The following CCDC47 variants were observed in gnomAD, a reference collection of about 807,000 sequenced individuals.
CCDC47 encodes coiled-coil domain containing 47.
In CCDC47, 41 loss-of-function variants were observed where a neutral mutation model predicts 60.5. The ratio of observed to expected loss-of-function variants is 0.68; its 90% confidence interval spans 0.53 to 0.88. CCDC47 has a LOEUF of 0.88. CCDC47 is among the 40% of genes least tolerant of loss of function. CCDC47 has a pLI of 0.00. For synonymous variants in CCDC47, 195 were observed against 190.7 expected (o/e 1.02, Z -0.18); for missense variants, 513 against 580.9 (o/e 0.88, Z 1.20).
At chr17:63,773,176 G>A (rs1258097288) in intron 1 of CCDC47, among the ~76,000 whole-genome samples, 1 of 152,170 alleles carries the variant, frequency 6.6e-6, no homozygotes, top group Non-Finnish European at 1.5e-5. Flanking sequence ...AAACCCCTTT[G>A]CCTAGTTTCT....
In CCDC47 at chr17:63,746,922, T is replaced by C. The variant is rs2039124505; in HGVS notation, c.1411A>G (p.Lys471Glu). ...LRREQKKLEK[K>E]QMKMKQIKVK... ...TTGATTTGTTTCATTTTCATTTGCT[T>C]CTTTTCCAACTTCTTTTGCTCACGC... is the stretch of plus-strand genomic sequence containing the variant. Residue 471 changes from lysine to glutamate, a missense_variant, in exon 13 of 13, where the codon AAG becomes GAG. Coordinates refer to ENST00000225726, the MANE Select transcript of CCDC47 (RefSeq NM_020198.3). 6.2e-7 allele frequency: 1 copy of C among 1,613,716 alleles called. No individual in the cohort carries two copies. The highest frequency in any genetic ancestry group is 1.1e-5 in the South Asian group (1 of 91,020).
chr17:63,770,861 A>T (rs973032076), intron 1 of CCDC47, among the ~76,000 whole-genome samples: 2 of 151,396 alleles, frequency 1.3e-5, no homozygotes, highest in African/African-American at 2.4e-5. Context: ...GGTGGCACAC[A>T]CCTGTAATCC....
Position 63,760,939 on chromosome 17 carries a change from A to G in CCDC47, c.710T>C (p.Met237Thr), listed in dbSNP as rs535517305. 157 of 1,613,778 alleles carry G rather than the reference A, an allele frequency of 9.7e-5. No individual in the cohort carries two copies. In the South Asian group the frequency reaches 1.6e-3, roughly 16 times the overall value. ...RQDLLNVLAR[M>T]MRPVSDQVQI... ...CACTTGATCACTCACTGGCCTCATCATCCGGGCCAGGACATTCAGTAAGTC... is the reference window on the plus strand; with the variant it reads ...CACTTGATCACTCACTGGCCTCATCGTCCGGGCCAGGACATTCAGTAAGTC... Residue 237 changes from methionine to threonine, a missense_variant, in exon 6 of 13, where the codon ATG (methionine) becomes ACG (threonine). By Grantham distance (81) the Met-to-Thr change is moderately conservative. Transcript: ENST00000225726.
chr17:63,746,909 A>C lies in CCDC47; in HGVS notation c.1424T>G (p.Met475Arg). 1 of 1,613,754 alleles carries C rather than the reference A, an allele frequency of 6.2e-7. No homozygotes were observed. The highest frequency in any genetic ancestry group is 8.5e-7 in the Non-Finnish European group (1 of 1,179,840). Reference protein sequence around the residue: ...QKKLEKKQMKMKQIKVKAM With the variant: ...QKKLEKKQMKRKQIKVKAM ...CATGGCTTTCACTTTGATTTGTTTCATTTTCATTTGCTTCTTTTCCAACTT... is the reference window on the plus strand; with the variant it reads ...CATGGCTTTCACTTTGATTTGTTTCCTTTTCATTTGCTTCTTTTCCAACTT... Residue 475 changes from methionine (M) to arginine (R), a missense_variant, in exon 13 of 13, where the codon ATG becomes AGG. Met to Arg is a moderately conservative substitution (Grantham distance 91). Transcript: ENST00000225726.
chr17:63,753,633 C>T (rs946640584), intron 9 of CCDC47: 1 of 982,950 alleles, frequency 1.0e-6, no homozygotes, highest in Non-Finnish European at 1.2e-6. Context: ...ATATGTACTC[C>T]TGAACAGTAT....
intron 1 of CCDC47, among the ~76,000 whole-genome samples, chr17:63,771,041 G>GAAAA (rs1568253194): frequency 3.2e-5 from 1 of 31,682 alleles, no homozygotes; most frequent in African/African-American, 1.1e-4. Flanking sequence ...AGGAAGGAAG[G>GAAAA]AAGGAAGAAA....
At chr17:63,770,919 C>T (rs745749418) in intron 1 of CCDC47, among the ~76,000 whole-genome samples, 4 of 141,700 alleles carry the variant, frequency 2.8e-5, no homozygotes, top group Non-Finnish European at 6.0e-5. Context: ...ACTTGGGAGG[C>T]GGAGATTGCA....
At chr17:63,753,093 T>C (rs2039179775) in intron 9 of CCDC47, 1 of 379,020 alleles carries the variant, frequency 2.6e-6, no homozygotes, top group South Asian at 1.1e-4. Context: ...TGAGCCTATA[T>C]TTAAGTATGA....
chr17:63,759,679 A>G (rs2039241600), intron 6 of CCDC47, among the ~76,000 whole-genome samples: 3 of 149,210 alleles, frequency 2.0e-5, no homozygotes, highest in African/African-American at 4.9e-5. Flanking sequence ...ACATATATAC[A>G]TATCTATCTC....
intron 4 of CCDC47, chr17:63,762,366 A>G (rs1309008153): frequency 2.5e-6 from 1 of 396,518 alleles, no homozygotes; most frequent in Non-Finnish European, 3.4e-6. Flanking sequence ...TGGACTTTGC[A>G]AACAGGTAGA....
rs368220998 is a variant in CCDC47 at position 63,746,010 on chromosome 17, G to C, written c.*871C>G. The C allele has an allele frequency of 6.6e-6, 1 of 152,192 alleles. No individual in the cohort carries two copies. The highest frequency in any genetic ancestry group is 1.5e-5 in the Non-Finnish European group (1 of 68,058). 9.4% of individuals were successfully genotyped at this position (152,192 alleles called of 1,614,324 possible). ...CAACGGCACACAGCCATAATATAGA[G>C]AACAGAGCTTCTCCATGAACATCCA... On this transcript the variant is annotated 3_prime_UTR_variant, in exon 13 of 13. Coordinates refer to ENST00000225726, the MANE Select transcript of CCDC47 (RefSeq NM_020198.3).
chr17:63,769,470 C>A (rs113760498), intron 1 of CCDC47, among the ~76,000 whole-genome samples: 2 of 150,770 alleles, frequency 1.3e-5, no homozygotes, highest in African/African-American at 4.9e-5. Flanking sequence ...AAAAATTAGC[C>A]GGGCATGGTG....
At position 63,756,238 on chromosome 17, in the gene CCDC47, A is replaced by C. The variant is rs759301747; in HGVS notation, c.948+2T>G. The C allele has an allele frequency of 6.2e-7, 1 of 1,605,146 alleles. No homozygotes were observed. Among genetic ancestry groups the C allele is most frequent in the South Asian group, 1.1e-5 (1 of 90,922 alleles). On this transcript the variant is annotated splice_donor_variant, in intron 8 of 12. Coordinates refer to ENST00000225726, the MANE Select transcript of CCDC47 (RefSeq NM_020198.3). LOFTEE classifies it high-confidence loss of function. Reference sequence around the variant, plus strand: ...CAAATGTATGTCTTCTGTCGCATTTACCTTTGTATCCATCATTCCGTCTGT... The same window carrying C: ...CAAATGTATGTCTTCTGTCGCATTTCCCTTTGTATCCATCATTCCGTCTGT...
intron 3 of CCDC47, 38 bp from the exon 4 acceptor site, chr17:63,764,228 G>A (rs763870356): frequency 2.0e-6 from 3 of 1,476,550 alleles, no homozygotes; most frequent in South Asian, 1.3e-5. Flanking sequence ...TGTTGGCTGA[G>A]ACTGAAGAAT....
rs976455157 is a variant in CCDC47 at position 63,746,264 on chromosome 17, C to A, written c.*617G>T. On this transcript the variant is annotated 3_prime_UTR_variant, in exon 13 of 13. Coordinates refer to ENST00000225726, the MANE Select transcript of CCDC47 (RefSeq NM_020198.3). The stretch of plus-strand genomic sequence containing the variant: ...GTACATGTCAGTATCCTAATGCCTA[C>A]AGACTTCCTATTAATTTTGTTATCA... 1 of 152,292 alleles carries A rather than the reference C, an allele frequency of 6.6e-6. No individual in the cohort carries two copies. Among genetic ancestry groups the A allele is most frequent in the Non-Finnish European group, 1.5e-5 (1 of 68,080 alleles). 9.4% of individuals were successfully genotyped at this position (152,292 alleles called of 1,614,324 possible). A position where few individuals can be genotyped will look rare whatever the true frequency, so the allele number is the denominator to read the frequency against.
At chr17:63,749,633 C>T (rs11654106) in intron 12 of CCDC47, among the ~76,000 whole-genome samples, 105,811 of 151,288 alleles carry the variant, frequency 0.7, 38,404 homozygotes, top group African/African-American at 0.92. Flanking sequence ...CCTGTAGTCC[C>T]AGCTACTAGG....
At chr17:63,760,062 C>CAAAA (rs10643408) in intron 6 of CCDC47, among the ~76,000 whole-genome samples, 154 of 98,104 alleles carry the variant, frequency 1.6e-3, no homozygotes, top group African/African-American at 2.6e-3. Context: ...GACTCCGTCT[C>CAAAA]AAAAAAAAAA....
In CCDC47 at chr17:63,756,299, C is replaced by T. The variant is rs1568247851; in HGVS notation, c.889G>A (p.Asp297Asn). 1 of 1,614,162 alleles carries T rather than the reference C, an allele frequency of 6.2e-7. No individual in the cohort carries two copies. The highest frequency in any genetic ancestry group is 8.5e-7 in the Non-Finnish European group (1 of 1,180,016). ...ATCTCTGACAGGATGGCCAAAGAGT[C>T]CGGCAGTCCATACTTTGCTCCAGAC... ...PKSGAKYGLP[D>N]SLAILSEMGE... The change falls in exon 8 of 13, where the codon GAC becomes AAC. Residue 297 changes from aspartate to asparagine, a missense_variant. Transcript: ENST00000225726.
At chr17:63,752,975 T>C in intron 9 of CCDC47, 176 bp from the exon 10 acceptor site, 3 of 932,178 alleles carry the variant, frequency 3.2e-6, no homozygotes, top group Non-Finnish European at 3.8e-6. Flanking sequence ...GGTCCACTCG[T>C]CTATCTGATG....
Sources: allele counts gnomAD v4.1 joint callset (sites outside exome capture counted in the v4.1 genomes callset), GRCh38; gene constraint gnomAD v4.1.1; transcripts MANE v1.5; gene names NCBI Gene and HGNC (gene_info 2026-07-23, HGNC 2026-07-21).